The following PDE8B variants were observed in gnomAD, a reference collection of about 807,000 sequenced individuals.
The protein encoded by PDE8B is phosphodiesterase 8B, also known as high affinity cAMP-specific and IBMX-insensitive 3',5'-cyclic phosphodiesterase 8B.
A neutral mutation model predicts 101.3 loss-of-function variants in PDE8B; 26 were observed. The ratio of observed to expected loss-of-function variants is 0.26; its 90% CI spans 0.19 to 0.36. PDE8B has a LOEUF of 0.36. Among genes scored for constraint, PDE8B ranks in the 10% least tolerant of loss-of-function variants. The pLI, the probability that PDE8B is intolerant of heterozygous loss-of-function variation, is 1.00. For synonymous variants in PDE8B, 424 were observed against 429.3 expected, an observed-to-expected ratio of 0.99 and a Z score of 0.15; for missense variants, 810 against 1,163.1, an observed-to-expected ratio of 0.70 and a Z score of 4.42.
At chr5:77,350,582 C>T (rs537363800) in intron 8 of PDE8B, among the ~76,000 whole-genome samples, 2 of 151,854 alleles carry the variant, frequency 1.3e-5, no homozygotes, top group South Asian at 4.2e-4. Context: ...GGCTGGGGGG[C>T]CCGTAGGATG....
intron 1 of PDE8B, among the ~76,000 whole-genome samples, chr5:77,282,936 A>C (rs1006918992): frequency 2.0e-5 from 3 of 151,422 alleles, no homozygotes; most frequent in African/African-American, 7.3e-5. Context: ...CTCGGGGAGC[A>C]CTCCCTGGGG....
At chr5:77,154,568 A>G in the PDE8B span, among the ~76,000 whole-genome samples, 2 of 152,148 alleles carry the variant, frequency 1.3e-5, no homozygotes, top group African/African-American at 2.4e-5. Context: ...CCCTGCATAT[A>G]TACTGTGGGG....
chr5:77,412,426 AT>A (rs1794747709), intron 16 of PDE8B, among the ~76,000 whole-genome samples, 191 bp downstream of exon 16: 1 of 152,158 alleles, frequency 6.6e-6, no homozygotes, highest in African/African-American at 2.4e-5. Context: ...TGTGGAGAGT[AT>A]TAGTAAGATG....
chr5:77,416,369 C>G lies in PDE8B; in HGVS notation c.1912-1860C>G, dbSNP rs575570636. 3.9e-5 allele frequency among the ~76,000 whole-genome samples: 6 copies of G among 152,328 alleles called. No individual in the cohort carries two copies. In the East Asian group the frequency reaches 9.7e-4, roughly 25 times the overall value. ...AGCTGGAGGCCCAGAGTTTGGGCCCCGTGGGTTCTCACTGCTCAGGTACAG... is the reference window on the plus strand; with the variant it reads ...AGCTGGAGGCCCAGAGTTTGGGCCCGGTGGGTTCTCACTGCTCAGGTACAG... On this transcript the variant is annotated intron_variant, in intron 17 of 21. Coordinates refer to ENST00000264917, the MANE Select transcript of PDE8B (RefSeq NM_003719.5).
intron 1 of PDE8B, among the ~76,000 whole-genome samples, chr5:77,250,242 C>G (rs1270192535): frequency 6.6e-6 from 1 of 152,162 alleles, no homozygotes; most frequent in Non-Finnish European, 1.5e-5. Flanking sequence ...TACATTTTTA[C>G]GAATTAAGAA....
intron 20 of PDE8B, among the ~76,000 whole-genome samples, chr5:77,425,073 A>G (rs922708914): frequency 6.6e-6 from 1 of 152,180 alleles, no homozygotes; most frequent in South Asian, 2.1e-4. Flanking sequence ...TAGTTCATTG[A>G]GTCATGCTAA....
chr5:77,249,913 C>G (rs1757722298), intron 1 of PDE8B, among the ~76,000 whole-genome samples: 1 of 152,238 alleles, frequency 6.6e-6, no homozygotes, highest in African/African-American at 2.4e-5. Context: ...AAAACCATTA[C>G]AAGTCGATGC....
At position 77,349,443 on chromosome 5, in the gene PDE8B, A is replaced by T. The variant is rs745550589; in HGVS notation, c.901A>T (p.Met301Leu). The T allele has an allele frequency of 6.2e-7, 1 of 1,614,120 alleles. No individual in the cohort carries two copies. The highest frequency in any genetic ancestry group is 8.5e-7 in the Non-Finnish European group (1 of 1,180,018). The change falls in exon 8 of 22, where the codon ATG becomes TTG. Residue 301 changes from methionine to leucine, a missense_variant. This residue lies in a region of PDE8B where 251 missense variants were observed against 378.8 expected (regional missense o/e 0.66). Transcript: ENST00000264917. ...IQYVNPAFER[M>L]MGYHKGELLG... Reference sequence around the variant, plus strand: ...GTATGTCAACCCAGCCTTCGAAAGGATGATGGGCTACCACAAAGGTGAGCT... The same window carrying T: ...GTATGTCAACCCAGCCTTCGAAAGGTTGATGGGCTACCACAAAGGTGAGCT...
chr5:77,307,758 AG>A (rs1771580140), intron 1 of PDE8B, among the ~76,000 whole-genome samples: 1 of 152,162 alleles, frequency 6.6e-6, no homozygotes, highest in South Asian at 2.1e-4. Context: ...CTTCCTCATT[AG>A]GCTACTGTGG....
At chr5:77,366,173 C>T (rs1274644164) in intron 10 of PDE8B, among the ~76,000 whole-genome samples, 1 of 151,910 alleles carries the variant, frequency 6.6e-6, no homozygotes, top group Admixed American at 6.5e-5. Flanking sequence ...ATACAGTTTC[C>T]TGCTTTAATT....
upstream of PDE8B, among the ~76,000 whole-genome samples, chr5:77,206,203 C>T (rs71632908): frequency 1.3e-5 from 2 of 152,136 alleles, no homozygotes; most frequent in Non-Finnish European, 2.9e-5. Context: ...CTACCATGTC[C>T]TAGGCACTGT....
chr5:77,207,952 A>G (rs1440947351), upstream of PDE8B, among the ~76,000 whole-genome samples: 1 of 152,204 alleles, frequency 6.6e-6, no homozygotes, highest in Non-Finnish European at 1.5e-5. Context: ...TTCCCCTTCT[A>G]TCTTCTATTC....
the PDE8B span, among the ~76,000 whole-genome samples, chr5:77,192,098 G>A: frequency 6.6e-6 from 1 of 152,188 alleles, no homozygotes; most frequent in South Asian, 2.1e-4. Context: ...TAGAGATGAA[G>A]CTTTGCTTGC....
At chr5:77,240,507 A>G (rs985715549) in intron 1 of PDE8B, among the ~76,000 whole-genome samples, 2 of 152,246 alleles carry the variant, frequency 1.3e-5, no homozygotes, top group African/African-American at 4.8e-5. Context: ...TCTCGTAGAC[A>G]GGATTCTACT....
the PDE8B span, among the ~76,000 whole-genome samples, chr5:77,097,693 CTA>C: frequency 4.0e-4 from 12 of 30,204 alleles, no homozygotes; most frequent in African/African-American, 1.0e-3. Context: ...TTTTATATAT[CTA>C]TATATATATA....
intron 1 of PDE8B, among the ~76,000 whole-genome samples, chr5:77,277,834 AC>A (rs1764150243): frequency 6.6e-6 from 1 of 152,182 alleles, no homozygotes; most frequent in African/African-American, 2.4e-5. Flanking sequence ...TACTCCATTA[AC>A]CGCTAAAACT....
chr5:77,260,823 GC>G (rs1352315554), intron 1 of PDE8B, among the ~76,000 whole-genome samples: 7 of 151,866 alleles, frequency 4.6e-5, no homozygotes, highest in Non-Finnish European at 7.4e-5. Context: ...TGAACTCCTA[GC>G]CTCAAGTGAT....
the PDE8B span, among the ~76,000 whole-genome samples, chr5:77,201,726 T>G: frequency 6.6e-6 from 1 of 152,220 alleles, no homozygotes; most frequent in East Asian, 1.9e-4. Flanking sequence ...TCGTTTTCAG[T>G]AAGGTCCATG....
chr5:77,241,970 A>G (rs1755856629), intron 1 of PDE8B, among the ~76,000 whole-genome samples: 1 of 152,184 alleles, frequency 6.6e-6, no homozygotes, highest in Non-Finnish European at 1.5e-5. Context: ...ATCCTTCCTT[A>G]ACTTGTCCCA....
Sources: allele counts gnomAD v4.1 joint callset (sites outside exome capture counted in the v4.1 genomes callset), GRCh38; gene constraint gnomAD v4.1.1; regional missense constraint gnomAD v4.1.1; transcripts MANE v1.5; gene names NCBI Gene and HGNC (gene_info 2026-07-23, HGNC 2026-07-21).